Variants in UNC5D observed in about 807,000 individuals in gnomAD.
The protein encoded by UNC5D is netrin receptor UNC5D.
A neutral mutation model predicts 105.4 loss-of-function variants in UNC5D; 39 were observed. That is an observed-to-expected ratio of 0.37 (90% confidence interval 0.29 to 0.48). The LOEUF (loss-of-function observed/expected upper bound fraction) is 0.48. Ranked by LOEUF, UNC5D falls within the 20% of genes least tolerant of loss-of-function variation. UNC5D has a pLI of 0.98. For missense variants in UNC5D, 991 were observed against 1,202.4 expected, an observed-to-expected ratio of 0.82 and a Z score of 2.60; for synonymous variants, 452 against 450.4, an observed-to-expected ratio of 1.00 and a Z score of -0.04.
intron 15 of UNC5D, among the ~76,000 whole-genome samples, chr8:35,769,512 T>G (rs758209724): frequency 6.6e-6 from 1 of 152,222 alleles, no homozygotes; most frequent in Non-Finnish European, 1.5e-5. Context: ...TAACCATTTG[T>G]GTGATGGACT....
intron 2 of UNC5D, among the ~76,000 whole-genome samples, chr8:35,565,203 C>T (rs1247783751): frequency 1.3e-5 from 2 of 152,172 alleles, no homozygotes; most frequent in Non-Finnish European, 2.9e-5. Flanking sequence ...TTTACGCTTA[C>T]AATAGTGTGT....
intron 1 of UNC5D, among the ~76,000 whole-genome samples, chr8:35,443,447 A>G (rs1422681278): frequency 1.3e-5 from 2 of 151,790 alleles, no homozygotes; most frequent in Non-Finnish European, 2.9e-5. Flanking sequence ...TGGGAATCTA[A>G]AGCACAGAGC....
chr8:35,702,702 G>A (rs112963714), intron 7 of UNC5D, among the ~76,000 whole-genome samples: 6 of 152,084 alleles, frequency 3.9e-5, no homozygotes, highest in African/African-American at 1.4e-4. Flanking sequence ...GAACAATCTC[G>A]ATCAGATATT....
chr8:35,402,438 G>A (rs185020283), intron 1 of UNC5D, among the ~76,000 whole-genome samples: 1 of 152,088 alleles, frequency 6.6e-6, no homozygotes, highest in Non-Finnish European at 1.5e-5. Context: ...ACAGTATGTG[G>A]AAAACTGCAC....
chr8:35,239,895 T>C (rs2128800094), intron 1 of UNC5D, among the ~76,000 whole-genome samples: 1 of 152,232 alleles, frequency 6.6e-6, no homozygotes, highest in Non-Finnish European at 1.5e-5. Context: ...TCCTTTTCTT[T>C]TTTCCTTTCC....
chr8:35,748,971 G>A (rs796547936), intron 12 of UNC5D, among the ~76,000 whole-genome samples: 6 of 152,144 alleles, frequency 3.9e-5, no homozygotes, highest in African/African-American at 1.4e-4. Flanking sequence ...CCTGCTCATT[G>A]ATCCCCTTCA....
chr8:35,445,150 T>G (rs1807685754), intron 1 of UNC5D, among the ~76,000 whole-genome samples: 1 of 152,002 alleles, frequency 6.6e-6, no homozygotes. Context: ...TCCCTGTCTC[T>G]CATGCCAGCC....
rs1030986761 is a variant in UNC5D at position 35,568,329 on chromosome 8, T to C, written c.466+88T>C. ...GAGAGGTTTTACAGATGTCAGATGC[T>C]TCTACAGAATGTAAATGAGAGGTCT... is the stretch of plus-strand genomic sequence containing the variant. On this transcript the variant is annotated intron_variant, in intron 3 of 16. Coordinates refer to ENST00000404895, the MANE Select transcript of UNC5D (RefSeq NM_080872.4). The C allele has an allele frequency of 9.4e-6, 14 of 1,483,722 alleles. No individual in the cohort carries two copies. The South Asian group carries it at 1.9e-4, about 20-fold the overall frequency. The allele number at this position is 1,483,722 out of a possible 1,614,324, so 91.9% of individuals were successfully genotyped here. A position where few individuals can be genotyped will look rare whatever the true frequency, so the allele number is the denominator to read the frequency against.
intron 1 of UNC5D, among the ~76,000 whole-genome samples, chr8:35,309,967 A>G (rs1306439528): frequency 3.9e-5 from 6 of 152,214 alleles, no homozygotes; most frequent in Non-Finnish European, 5.9e-5. Context: ...CTGATAAGTT[A>G]TGAATTACAA....
At chr8:35,352,672 G>A (rs1377797352) in intron 1 of UNC5D, among the ~76,000 whole-genome samples, 1 of 152,098 alleles carries the variant, frequency 6.6e-6, no homozygotes, top group Non-Finnish European at 1.5e-5. Context: ...GAGTACAGTA[G>A]CACAATCTCG....
intron 3 of UNC5D, among the ~76,000 whole-genome samples, chr8:35,595,307 T>C (rs561638249): frequency 6.6e-6 from 1 of 152,282 alleles, no homozygotes; most frequent in Admixed American, 6.5e-5. Context: ...CCTACTCTCC[T>C]AGTTATTTAT....
intron 4 of UNC5D, among the ~76,000 whole-genome samples, chr8:35,608,696 T>G (rs1237408698): frequency 6.6e-6 from 1 of 152,214 alleles, no homozygotes; most frequent in Non-Finnish European, 1.5e-5. Context: ...TGTCTTTGTC[T>G]GAGTCATTCC....
intron 1 of UNC5D, among the ~76,000 whole-genome samples, chr8:35,324,239 A>C (rs1268891876): frequency 6.6e-6 from 1 of 150,468 alleles, no homozygotes; most frequent in African/African-American, 2.4e-5. Context: ...TCTCCAAAAA[A>C]AAAAAAAAAA....
intron 3 of UNC5D, among the ~76,000 whole-genome samples, chr8:35,570,789 A>T (rs575973509): frequency 4.5e-4 from 68 of 151,714 alleles, no homozygotes. Flanking sequence ...CCCCATCTCT[A>T]CTGAAAAAAA....
intron 8 of UNC5D, chr8:35,721,348 A>C (rs1421771721): frequency 1.4e-6 from 1 of 693,284 alleles, no homozygotes; most frequent in Non-Finnish European, 2.6e-6. Context: ...GCACCTCTAG[A>C]AAAAAGGGTG....
rs986780943 is a variant in UNC5D, at chr8:35,368,244, A to G, written c.103+132357A>G. 1.3e-4 allele frequency among the ~76,000 whole-genome samples: 20 copies of G among 152,310 alleles called. No individual in the cohort carries two copies. The East Asian group carries it at 3.9e-3, about 30-fold the overall frequency. On this transcript the variant is annotated intron_variant, in intron 1 of 16. Transcript: ENST00000404895. Reference sequence around the variant, plus strand: ...ACCTGTAGAGAGGCTGAAACAATAGAACAACAAACTGGTTTTAGAGCTCCT... The same window carrying G: ...ACCTGTAGAGAGGCTGAAACAATAGGACAACAAACTGGTTTTAGAGCTCCT...
intron 3 of UNC5D, among the ~76,000 whole-genome samples, chr8:35,585,082 C>T (rs1384033062): frequency 6.6e-6 from 1 of 152,156 alleles, no homozygotes; most frequent in Non-Finnish European, 1.5e-5. Flanking sequence ...CTACTGCAGG[C>T]ACAACTATAT....
chr8:35,342,153 T>C (rs1032045503), intron 1 of UNC5D, among the ~76,000 whole-genome samples: 3 of 152,070 alleles, frequency 2.0e-5, no homozygotes, highest in African/African-American at 7.2e-5. Context: ...GTACCTCACA[T>C]GCGGGATCTT....
At chr8:35,274,499 G>A (rs1288702889) in intron 1 of UNC5D, among the ~76,000 whole-genome samples, 1 of 152,206 alleles carries the variant, frequency 6.6e-6, no homozygotes, top group South Asian at 2.1e-4. Flanking sequence ...GTGGTTGTGA[G>A]TGTGCACATG....
Sources: allele counts gnomAD v4.1 joint callset (sites outside exome capture counted in the v4.1 genomes callset), GRCh38; gene constraint gnomAD v4.1.1; transcripts MANE v1.5; gene names NCBI Gene and HGNC (gene_info 2026-07-23, HGNC 2026-07-21).